Variants in SLC14A2 observed in about 807,000 individuals in gnomAD.
SLC14A2 encodes the protein urea transporter 2.
Under a neutral mutation model 104.6 loss-of-function variants are expected in SLC14A2, and 91 were observed. The ratio of observed to expected loss-of-function variants is 0.87; its 90% CI spans 0.73 to 1.04. The LOEUF (loss-of-function observed/expected upper bound fraction) is 1.04, where lower values mean the gene tolerates loss of function less well. SLC14A2 is among the 50% of genes least tolerant of loss of function. SLC14A2 has a pLI of 0.00. For missense variants in SLC14A2, 1,189 were observed against 1,156.0 expected (o/e 1.03, Z -0.41); for synonymous variants, 476 against 466.4 (o/e 1.02, Z -0.27).
At chr18:45,567,601 G>A (rs970972749) in intron 2 of SLC14A2, among the ~76,000 whole-genome samples, 1 of 152,166 alleles carries the variant, frequency 6.6e-6, no homozygotes, top group Non-Finnish European at 1.5e-5. Flanking sequence ...TGTGTCCAGG[G>A]GTTAGCCCGG....
At chr18:45,653,619 T>G (rs2045778897) in intron 10 of SLC14A2, among the ~76,000 whole-genome samples, 1 of 152,068 alleles carries the variant, frequency 6.6e-6, no homozygotes, top group Non-Finnish European at 1.5e-5. Flanking sequence ...AATGGCCAGC[T>G]CCCTAATATA....
intron 2 of SLC14A2, among the ~76,000 whole-genome samples, chr18:45,536,256 A>C (rs2043780236): frequency 6.6e-6 from 1 of 152,210 alleles, no homozygotes; most frequent in African/African-American, 2.4e-5. Flanking sequence ...AAGAAAGCAT[A>C]AAATGTGTAT....
chr18:45,348,205 G>T (rs1357826271), intron 1 of SLC14A2, among the ~76,000 whole-genome samples: 1 of 152,214 alleles, frequency 6.6e-6, no homozygotes, highest in Admixed American at 6.5e-5. Context: ...CGGGTAGTAC[G>T]ACTTCAGTGA....
the SLC14A2 span, among the ~76,000 whole-genome samples, chr18:45,202,029 G>A: frequency 6.6e-6 from 1 of 152,116 alleles, no homozygotes; most frequent in Non-Finnish European, 1.5e-5. Context: ...TTAACTTGGA[G>A]ATATACTAAA....
chr18:45,582,224 C>T (rs2044503109), intron 2 of SLC14A2, among the ~76,000 whole-genome samples: 1 of 152,188 alleles, frequency 6.6e-6, no homozygotes, highest in Non-Finnish European at 1.5e-5. Flanking sequence ...TCTAGGTAGA[C>T]AAGCCTCCAC....
At chr18:45,201,255 G>C in the SLC14A2 span, among the ~76,000 whole-genome samples, 2 of 152,078 alleles carry the variant, frequency 1.3e-5, no homozygotes, top group Admixed American at 1.3e-4. Context: ...TGAGCATGCT[G>C]TATGCACTCT....
chr18:45,659,440 T>C lies in SLC14A2; in HGVS notation c.1352-4345T>C, dbSNP rs145268053. Among the ~76,000 whole-genome samples, 226 of 152,344 alleles carry C rather than the reference T, an allele frequency of 1.5e-3. 4 individuals carry two copies. The East Asian group carries it at 0.037, about 25-fold the overall frequency. On this transcript the variant is annotated intron_variant, in intron 10 of 19. Transcript: ENST00000255226. ...GTTTCACAACCAGACGGAATGGACT[T>C]ATGTAATATCTTAGGAACCAAAATA... is the stretch of plus-strand genomic sequence containing the variant.
At chr18:45,588,611 CTCTCTGGTGA>C (rs1414698231) in intron 2 of SLC14A2, among the ~76,000 whole-genome samples, 1 of 152,190 alleles carries the variant, frequency 6.6e-6, no homozygotes, top group Non-Finnish European at 1.5e-5. Context: ...ACTAAAACTC[CTCTCTGGTGA>C]TCTCTGAGGA....
intron 2 of SLC14A2, among the ~76,000 whole-genome samples, chr18:45,579,094 C>G (rs2044454047): frequency 2.8e-5 from 1 of 36,300 alleles, no homozygotes. Flanking sequence ...AAAGCAGAAG[C>G]TGCAAGGCCT....
chr18:45,496,580 A>G (rs2043102021), intron 2 of SLC14A2, among the ~76,000 whole-genome samples: 1 of 152,208 alleles, frequency 6.6e-6, no homozygotes, highest in Non-Finnish European at 1.5e-5. Flanking sequence ...AGCCTGGCAA[A>G]CATGGTGAAA....
At chr18:45,227,723 G>A (rs1381555) in intron 1 of SLC14A2, among the ~76,000 whole-genome samples, 17,188 of 152,128 alleles carry the variant, frequency 0.11, 990 homozygotes, top group Non-Finnish European at 0.12. Flanking sequence ...GAGAACTGGT[G>A]GGAGAAAAAA....
chr18:45,665,287 CTT>C (rs2045998824), intron 11 of SLC14A2, among the ~76,000 whole-genome samples: 1 of 152,200 alleles, frequency 6.6e-6, no homozygotes, highest in Non-Finnish European at 1.5e-5. Flanking sequence ...TATTCTCACA[CTT>C]GACCACAGGA....
chr18:45,297,957 A>G (rs535671762), intron 1 of SLC14A2, among the ~76,000 whole-genome samples: 10 of 152,348 alleles, frequency 6.6e-5, no homozygotes, highest in African/African-American at 2.4e-4. Context: ...TCAAAAGGTC[A>G]AAAGAAGTTC....
intron 2 of SLC14A2, among the ~76,000 whole-genome samples, chr18:45,599,178 C>T (rs1599048198): frequency 6.6e-6 from 1 of 152,320 alleles, no homozygotes; most frequent in East Asian, 1.9e-4. Context: ...TTACTTTGCA[C>T]AGCAGAACTT....
chr18:45,422,427 A>G (rs2086362339), intron 1 of SLC14A2, among the ~76,000 whole-genome samples: 1 of 152,216 alleles, frequency 6.6e-6, no homozygotes, highest in Non-Finnish European at 1.5e-5. Context: ...AGTTGGTGCC[A>G]CTCATATAGT....
At chr18:45,446,716 A>C (rs1275525718) in intron 1 of SLC14A2, among the ~76,000 whole-genome samples, 1 of 152,170 alleles carries the variant, frequency 6.6e-6, no homozygotes, top group East Asian at 1.9e-4. Context: ...CCCACCTCGC[A>C]CAGGTCTGTG....
At chr18:45,391,628 T>G (rs927180173) in intron 1 of SLC14A2, among the ~76,000 whole-genome samples, 13 of 152,234 alleles carry the variant, frequency 8.5e-5, no homozygotes, top group African/African-American at 2.2e-4. Context: ...CTAACTGGTG[T>G]GAGATGGTAT....
intron 2 of SLC14A2, among the ~76,000 whole-genome samples, chr18:45,586,750 G>A (rs2044571813): frequency 6.6e-6 from 1 of 152,014 alleles, no homozygotes; most frequent in Non-Finnish European, 1.5e-5. Context: ...GTGTGTCAGT[G>A]GTTTGCAGCC....
chr18:45,201,469 G>A, the SLC14A2 span, among the ~76,000 whole-genome samples: 1 of 151,916 alleles, frequency 6.6e-6, no homozygotes, highest in South Asian at 2.1e-4. Context: ...TATTTTTCAA[G>A]TTGTTTCAAC....
Sources: gnomAD v4.1 joint callset for allele counts (sites outside exome capture counted in the v4.1 genomes callset) on GRCh38, gnomAD v4.1.1 for gene constraint, MANE v1.5 for transcripts, NCBI Gene and HGNC (gene_info 2026-07-23, HGNC 2026-07-21) for gene names.